The following MSMO1 variants were observed in gnomAD, a reference collection of about 807,000 sequenced individuals.
MSMO1 encodes the protein methylsterol monooxygenase 1, also known as C-4 methylsterol oxidase.
In MSMO1, 18 loss-of-function variants were observed where a neutral mutation model predicts 30.4. The observed-to-expected ratio is 0.59, with a 90% CI of 0.41 to 0.88. The LOEUF (loss-of-function observed/expected upper bound fraction) is 0.88. MSMO1 is among the 40% of genes least tolerant of loss of function. MSMO1 has a pLI of 0.00. For synonymous variants in MSMO1, 84 were observed against 107.9 expected (o/e 0.78, Z 1.37); for missense variants, 284 against 340.5 (o/e 0.83, Z 1.31).
intron 2 of MSMO1, among the ~76,000 whole-genome samples, chr4:165,335,546 T>G (rs1003465090): frequency 1.3e-5 from 2 of 152,124 alleles, no homozygotes; most frequent in Non-Finnish European, 2.9e-5. Context: ...ACCCAGTGAT[T>G]TATTTATAGG....
intron 5 of MSMO1, among the ~76,000 whole-genome samples, chr4:165,341,112 T>G (rs1244788886): frequency 6.6e-6 from 1 of 151,980 alleles, no homozygotes; most frequent in African/African-American, 2.4e-5. Context: ...AGGGTTAGAG[T>G]GATTCAAATA....
At chr4:165,337,288 G>A (rs1747580590) in intron 2 of MSMO1, among the ~76,000 whole-genome samples, 1 of 152,096 alleles carries the variant, frequency 6.6e-6, no homozygotes, top group African/African-American at 2.4e-5. Context: ...ACATATCTGT[G>A]TACTTCTCAA....
intron 1 of MSMO1, among the ~76,000 whole-genome samples, chr4:165,332,023 G>A (rs988551637): frequency 6.7e-5 from 10 of 150,170 alleles, no homozygotes; most frequent in Admixed American, 2.0e-4. Flanking sequence ...CTCCTACCCC[G>A]CCGAGCTGTC....
intron 4 of MSMO1, 79 bp from the exon 5 acceptor site, chr4:165,340,142 A>G (rs1306570971): frequency 5.4e-6 from 7 of 1,292,798 alleles, no homozygotes; most frequent in Admixed American, 1.8e-5. Context: ...GTTGGATATC[A>G]TAGCCTAGCC....
rs1205259646 is a variant in MSMO1, at chr4:165,333,322, A to G, written c.-31-18A>G. Reference sequence around the variant, plus strand: ...AAGCTCATTGTTTAACTTATTATATATGTATTCATTTCTACAGAATTATAA... The same window carrying G: ...AAGCTCATTGTTTAACTTATTATATGTGTATTCATTTCTACAGAATTATAA... On this transcript the variant is annotated intron_variant, in intron 1 of 5. Coordinates refer to ENST00000261507, the MANE Select transcript of MSMO1 (RefSeq NM_006745.5). 3 of 1,586,822 alleles carry G rather than the reference A, an allele frequency of 1.9e-6. No homozygotes were observed. Among genetic ancestry groups the G allele is most frequent in the African/African-American group, 1.4e-5 (1 of 74,048 alleles).
chr4:165,332,022 C>T (rs1183309020), intron 1 of MSMO1, among the ~76,000 whole-genome samples: 3 of 151,386 alleles, frequency 2.0e-5, no homozygotes, highest in Non-Finnish European at 4.4e-5. Context: ...TCTCCTACCC[C>T]GCCGAGCTGT....
intron 5 of MSMO1, among the ~76,000 whole-genome samples, chr4:165,341,494 G>A (rs919044984): frequency 2.6e-5 from 4 of 151,888 alleles, no homozygotes; most frequent in East Asian, 3.9e-4. Flanking sequence ...ACTATAATCC[G>A]TCTCTTCCAT....
intron 1 of MSMO1, among the ~76,000 whole-genome samples, chr4:165,330,713 C>A (rs1404510419): frequency 6.6e-6 from 1 of 151,434 alleles, no homozygotes; most frequent in Non-Finnish European, 1.5e-5. Context: ...CTTTTTTATT[C>A]TTTTTTTTTG....
In MSMO1 at chr4:165,337,800, G is replaced by A. The variant is rs778277200; in HGVS notation, c.267G>A (p.Glu89=). The A allele has an allele frequency of 1.9e-6, 3 of 1,613,662 alleles. No homozygotes were observed. Among genetic ancestry groups the A allele is most frequent in the Non-Finnish European group, 2.5e-6 (3 of 1,179,750 alleles). ...ATTTTTCTTCGTAGGATAAGCCAGA[G>A]ACATGGGAAAACCAATGGAAGTGTT... The part of the protein sequence containing the change: ...KKYKIQKDKP[E]TWENQWKCFK... The change falls in exon 3 of 6, where the codon GAG becomes GAA. Residue 89 remains glutamate (E), a synonymous_variant. Transcript: ENST00000261507.
intron 1 of MSMO1, among the ~76,000 whole-genome samples, chr4:165,332,090 C>CCT (rs1747410810): frequency 6.6e-6 from 1 of 152,118 alleles, no homozygotes; most frequent in Non-Finnish European, 1.5e-5. Context: ...TATCTCCTGC[C>CCT]CTGCCACACA....
At position 165,333,296 on chromosome 4, in the gene MSMO1, A is replaced by G. The variant is rs1747449605; in HGVS notation, c.-31-44A>G. 6.1e-6 allele frequency: 9 copies of G among 1,480,584 alleles called. No homozygotes were observed. In the East Asian group the frequency reaches 2.1e-4, roughly 34 times the overall value. The allele number at this position is 1,480,584 out of a possible 1,614,324, so 91.7% of individuals were successfully genotyped here. ...CATTTTTTAACTGTTTTATTTTTTGAAAGCTCATTGTTTAACTTATTATAT... is the reference window on the plus strand; with the variant it reads ...CATTTTTTAACTGTTTTATTTTTTGGAAGCTCATTGTTTAACTTATTATAT... On this transcript the variant is annotated intron_variant, in intron 1 of 5. Coordinates refer to ENST00000261507, the MANE Select transcript of MSMO1 (RefSeq NM_006745.5).
At chr4:165,337,181 G>A (rs1747576315) in intron 2 of MSMO1, among the ~76,000 whole-genome samples, 1 of 152,114 alleles carries the variant, frequency 6.6e-6, no homozygotes, top group African/African-American at 2.4e-5. Context: ...ATAATGACTT[G>A]CTAAGCAAAT....
In MSMO1 at chr4:165,335,489, G is replaced by A. The variant is rs1747512718; in HGVS notation, c.255+1864G>A. ...TTGAAAGGCAGAATTAAGTTTGGAC[G>A]TCTAAGTTCTAATGCACCTTTAGGG... On this transcript the variant is annotated intron_variant, in intron 2 of 5. Coordinates refer to ENST00000261507, the MANE Select transcript of MSMO1 (RefSeq NM_006745.5). Among the ~76,000 whole-genome samples the A allele has an allele frequency of 2.6e-5, 4 of 152,180 alleles. No homozygotes were observed. In the South Asian group the frequency reaches 6.2e-4, roughly 24 times the overall value.
rs1285530511 is a variant in MSMO1, at chr4:165,338,864, A to C, written c.531+86A>C. The stretch of plus-strand genomic sequence containing the variant: ...GAGCATTTTTCTAAAATTGTTGGTG[A>C]CGTTTTTATTTTCTTTTCCTTTGGC... On this transcript the variant is annotated intron_variant, in intron 4 of 5. Coordinates refer to ENST00000261507, the MANE Select transcript of MSMO1 (RefSeq NM_006745.5). 3 of 1,156,746 alleles carry C rather than the reference A, an allele frequency of 2.6e-6. No individual in the cohort carries two copies. In the African/African-American group the frequency reaches 4.7e-5, roughly 18 times the overall value. 71.7% of individuals were successfully genotyped at this position (1,156,746 alleles called of 1,614,324 possible).
intron 2 of MSMO1, 24 bp downstream of exon 2, chr4:165,333,649 G>GA: frequency 6.5e-7 from 1 of 1,547,544 alleles, no homozygotes; most frequent in Non-Finnish European, 8.8e-7. Context: ...ACTAGAAATA[G>GA]AATATTATCA....
At chr4:165,336,452 C>T (rs1747547191) in intron 2 of MSMO1, among the ~76,000 whole-genome samples, 2 of 152,066 alleles carry the variant, frequency 1.3e-5, no homozygotes, top group Non-Finnish European at 2.9e-5. Flanking sequence ...TTTATGTATA[C>T]TGTAAATGGT....
chr4:165,335,892 C>G (rs903486951), intron 2 of MSMO1, among the ~76,000 whole-genome samples: 1 of 152,068 alleles, frequency 6.6e-6, no homozygotes, highest in African/African-American at 2.4e-5. Context: ...TAAACCAGGA[C>G]TAGTTTTCAC....
intron 3 of MSMO1, among the ~76,000 whole-genome samples, chr4:165,338,211 A>G (rs1015277189): frequency 6.6e-5 from 10 of 151,818 alleles, no homozygotes; most frequent in African/African-American, 9.7e-5. Flanking sequence ...GTTGACAAAA[A>G]TATATTACAT....
In MSMO1 at chr4:165,337,930, C is replaced by A. The variant is rs771558636; in HGVS notation, c.397C>A (p.Pro133Thr). 2 of 1,613,112 alleles carry A rather than the reference C, an allele frequency of 1.2e-6. No individual in the cohort carries two copies. The highest frequency in any genetic ancestry group is 1.7e-6 in the Non-Finnish European group (2 of 1,179,530). ...TATTCCTTATGATTGGGAAAGAATG[C>A]CAAGATGGTACGTAGATAAAAATTT... ...FNIPYDWERM[P>T]RWYFLLARCF... The change falls in exon 3 of 6, where the codon CCA becomes ACA. Residue 133 changes from proline to threonine, a missense_variant. By Grantham distance (38) the Pro-to-Thr change is conservative. Transcript: ENST00000261507.
Sources: allele counts gnomAD v4.1 joint callset (sites outside exome capture counted in the v4.1 genomes callset), GRCh38; gene constraint gnomAD v4.1.1; transcripts MANE v1.5; gene names NCBI Gene and HGNC (gene_info 2026-07-23, HGNC 2026-07-21).